Variants in NBAS observed in about 807,000 individuals in gnomAD.
NBAS encodes the protein NAG/BC035112 fusion.
A neutral mutation model predicts 302.5 loss-of-function variants in NBAS; 219 were observed. That is an observed-to-expected ratio of 0.72 (90% CI 0.65 to 0.81). The LOEUF is 0.81. NBAS is among the 30% of genes least tolerant of loss of function. The pLI is 0.00. For missense variants in NBAS, 2,932 were observed against 2,841.6 expected (o/e 1.03, Z -0.72); for synonymous variants, 1,118 against 1,021.6 (o/e 1.09, Z -1.80).
the NBAS span, among the ~76,000 whole-genome samples, chr2:14,835,204 T>C: frequency 1.1e-3 from 167 of 152,018 alleles, 1 homozygote; most frequent in Middle Eastern, 0.01. Flanking sequence ...TTGAGATGTG[T>C]AGAATTTGAA....
At chr2:15,347,064 G>A (rs1261480347) in intron 35 of NBAS, among the ~76,000 whole-genome samples, 1 of 152,092 alleles carries the variant, frequency 6.6e-6, no homozygotes, top group Admixed American at 6.6e-5. Flanking sequence ...AGCCACCATG[G>A]CACACATATA....
the NBAS span, among the ~76,000 whole-genome samples, chr2:14,908,352 G>T: frequency 6.6e-6 from 1 of 152,168 alleles, no homozygotes; most frequent in Non-Finnish European, 1.5e-5. Flanking sequence ...GACAGAGCGA[G>T]ACTCCGTCTC....
chr2:14,931,574 C>G, the NBAS span, among the ~76,000 whole-genome samples: 1 of 152,182 alleles, frequency 6.6e-6, no homozygotes, highest in African/African-American at 2.4e-5. Flanking sequence ...GCAGTTTTCC[C>G]CAGTGTATCC....
At chr2:15,438,515 G>C (rs1383532143) in intron 21 of NBAS, among the ~76,000 whole-genome samples, 1 of 152,078 alleles carries the variant, frequency 6.6e-6, no homozygotes, top group Non-Finnish European at 1.5e-5. Context: ...CTACCACCAC[G>C]ATCAACAACA....
chr2:14,790,864 G>T, the NBAS span, among the ~76,000 whole-genome samples: 9 of 149,910 alleles, frequency 6.0e-5, no homozygotes, highest in Admixed American at 2.7e-4. Flanking sequence ...TTTTTGTTTG[G>T]TTTTTTTGGA....
Position 15,556,835 on chromosome 2 carries a change from AT to A in NBAS, c.173-17del, listed in dbSNP as rs1458903992. The A allele has an allele frequency of 6.2e-7, 1 of 1,601,694 alleles. No individual in the cohort carries two copies. Among genetic ancestry groups the A allele is most frequent in the Admixed American group, 1.7e-5 (1 of 59,974 alleles). On this transcript the variant is annotated splice_polypyrimidine_tract_variant and intron_variant, in intron 2 of 51. Coordinates refer to ENST00000281513, the MANE Select transcript of NBAS (RefSeq NM_015909.4). ...AATAAACGATCTGTAATCAAAAGAA[AT>A]GGCAAAGCCAAATATAAATCAGCTG...
At chr2:15,147,461 C>T in the NBAS span, among the ~76,000 whole-genome samples, 21 of 152,082 alleles carry the variant, frequency 1.4e-4, no homozygotes, top group Admixed American at 3.3e-4. Context: ...GGTGTGCTGG[C>T]GCATGCCTGT....
At chr2:14,788,308 T>G in the NBAS span, among the ~76,000 whole-genome samples, 2 of 152,192 alleles carry the variant, frequency 1.3e-5, no homozygotes, top group African/African-American at 4.8e-5. Context: ...TCTGAAGCCT[T>G]CTTCTCTCAA....
the NBAS span, among the ~76,000 whole-genome samples, chr2:15,051,582 T>A: frequency 6.6e-6 from 1 of 152,142 alleles, no homozygotes; most frequent in African/African-American, 2.4e-5. Flanking sequence ...GGAATTAAAA[T>A]CAAGAAGTAA....
At chr2:14,864,320 C>CAAAA in the NBAS span, among the ~76,000 whole-genome samples, 9 of 67,830 alleles carry the variant, frequency 1.3e-4, no homozygotes, top group Admixed American at 5.6e-4. Context: ...GGCTCCATCT[C>CAAAA]AAAAAAAAAA....
the NBAS span, among the ~76,000 whole-genome samples, chr2:14,786,299 G>A: frequency 4.7e-4 from 71 of 151,902 alleles, no homozygotes; most frequent in African/African-American, 1.5e-3. Context: ...TTTTTTGAAG[G>A]GTTTTTTGTG....
At chr2:15,485,619 T>C (rs983169452) in intron 12 of NBAS, among the ~76,000 whole-genome samples, 3 of 152,230 alleles carry the variant, frequency 2.0e-5, no homozygotes, top group Non-Finnish European at 4.4e-5. Flanking sequence ...AGGGTAAATT[T>C]TGTAAAAGCT....
the NBAS span, among the ~76,000 whole-genome samples, chr2:14,931,668 T>C: frequency 3.3e-5 from 5 of 152,182 alleles, no homozygotes; most frequent in Admixed American, 3.3e-4. Flanking sequence ...ATCTGAGTAC[T>C]CGGCACCATG....
At chr2:15,183,222 G>A (rs1664912338) in intron 50 of NBAS, among the ~76,000 whole-genome samples, 2 of 152,084 alleles carry the variant, frequency 1.3e-5, no homozygotes, top group South Asian at 2.1e-4. Context: ...TCACATTTGA[G>A]CACATTTAGC....
chr2:14,886,830 T>G, the NBAS span: 5 of 152,208 alleles, frequency 3.3e-5, no homozygotes, highest in East Asian at 9.7e-4. Context: ...TCAACAATTT[T>G]TAATTTCTCA....
At chr2:15,248,341 G>A (rs1178616409) in intron 44 of NBAS, among the ~76,000 whole-genome samples, 1 of 152,144 alleles carries the variant, frequency 6.6e-6, no homozygotes, top group Non-Finnish European at 1.5e-5. Context: ...AATGACCACA[G>A]AAGAAAGCAA....
chr2:15,363,621 T>C lies in NBAS; in HGVS notation c.3817+2959A>G, dbSNP rs77664729. ...TTTCTCTATTCCTGTCTCCTCATTTTCAAAATGAGATTCCTATTTCTGCCT... is the reference window on the plus strand; with the variant it reads ...TTTCTCTATTCCTGTCTCCTCATTTCCAAAATGAGATTCCTATTTCTGCCT... On this transcript the variant is annotated intron_variant, in intron 32 of 51. Coordinates refer to ENST00000281513, the MANE Select transcript of NBAS (RefSeq NM_015909.4). 4.6e-3 allele frequency among the ~76,000 whole-genome samples: 696 copies of C among 152,332 alleles called. 15 individuals carry two copies. In the East Asian group the frequency reaches 0.059, roughly 13 times the overall value.
At chr2:14,944,308 C>CAAAAAACA in the NBAS span, among the ~76,000 whole-genome samples, 24,454 of 150,992 alleles carry the variant, frequency 0.16, 2,362 homozygotes, top group African/African-American at 0.26. Context: ...CGTCTCAAAA[C>CAAAAAACA]AAAAAACAAA....
chr2:15,192,912 TA>T (rs1029357008), intron 48 of NBAS, among the ~76,000 whole-genome samples: 1 of 152,182 alleles, frequency 6.6e-6, no homozygotes, highest in Non-Finnish European at 1.5e-5. Context: ...AGGAAGAGAT[TA>T]ACAATAAAAG....
Sources: allele counts gnomAD v4.1 joint callset (sites outside exome capture counted in the v4.1 genomes callset), GRCh38; gene constraint gnomAD v4.1.1; transcripts MANE v1.5; gene names NCBI Gene and HGNC (gene_info 2026-07-23, HGNC 2026-07-21).